STK3: variants seen among roughly 807,000 people sequenced by gnomAD.
The protein encoded by STK3 is serine/threonine-protein kinase 3.
Under a neutral mutation model 58.0 loss-of-function variants are expected in STK3, and 41 were observed. The ratio of observed to expected loss-of-function variants is 0.71; its 90% CI spans 0.55 to 0.92. The LOEUF (loss-of-function observed/expected upper bound fraction) is 0.92. Ranked by LOEUF, STK3 falls within the 40% of genes least tolerant of loss-of-function variation. The pLI, the probability that STK3 is intolerant of heterozygous loss-of-function variation, is 0.00. For synonymous variants in STK3, 170 were observed against 191.0 expected, an observed-to-expected ratio of 0.89 and a Z score of 0.91; for missense variants, 479 against 602.7, an observed-to-expected ratio of 0.79 and a Z score of 2.15.
intron 4 of STK3, among the ~76,000 whole-genome samples, chr8:98,712,659 A>G (rs1587388814): frequency 6.6e-6 from 1 of 152,068 alleles, no homozygotes; most frequent in Admixed American, 6.6e-5. Flanking sequence ...CTACAAAGAG[A>G]CTTAGACTCC....
At chr8:98,573,063 G>T (rs1335999259) in intron 8 of STK3, among the ~76,000 whole-genome samples, 1 of 152,104 alleles carries the variant, frequency 6.6e-6, no homozygotes, top group African/African-American at 2.4e-5. Context: ...CTAAGCAGTG[G>T]GCAGAAGCTA....
intron 9 of STK3, among the ~76,000 whole-genome samples, chr8:98,527,666 A>T (rs537094506): frequency 6.1e-4 from 93 of 152,042 alleles, no homozygotes; most frequent in South Asian, 4.0e-3. Context: ...TAAAAAAATT[A>T]AAAAAAATCA....
chr8:98,562,737 G>GAAAAAAA lies in STK3; in HGVS notation c.949-14583_949-14577dup, dbSNP rs778049177. Among the ~76,000 whole-genome samples, 48 of 17,386 alleles carry GAAAAAAA rather than the reference G, an allele frequency of 2.8e-3. 8 individuals carry two copies. The highest frequency in any genetic ancestry group is 4.7e-3 in the African/African-American group (16 of 3,434). 11.4% of individuals were successfully genotyped at this position (17,386 alleles called of 152,430 possible). A position where few individuals can be genotyped will look rare whatever the true frequency, so the allele number is the denominator to read the frequency against. ...TAAGACTCCCATCTCCACAAAAAAT[G>GAAAAAAA]AAAAAAAAAAAAAAAAAAAAAAAAA... On this transcript the variant is annotated intron_variant, in intron 8 of 10. Coordinates refer to ENST00000419617, the MANE Select transcript of STK3 (RefSeq NM_006281.4).
At chr8:98,656,447 GCA>G (rs1821534234) in intron 6 of STK3, among the ~76,000 whole-genome samples, 2 of 151,672 alleles carry the variant, frequency 1.3e-5, no homozygotes, top group Admixed American at 6.6e-5. Context: ...TAACTAACCT[GCA>G]CATTGTGCAC....
chr8:98,744,484 A>C (rs1322899564), intron 4 of STK3, among the ~76,000 whole-genome samples: 2 of 151,166 alleles, frequency 1.3e-5, no homozygotes. Flanking sequence ...CACAAGAACC[A>C]AAAAACCAAA....
intron 1 of STK3, among the ~76,000 whole-genome samples, chr8:98,788,994 T>C (rs994043654): frequency 1.3e-4 from 20 of 152,134 alleles, no homozygotes; most frequent in African/African-American, 3.4e-4. Context: ...TTCTCCAAGA[T>C]AGACCATATG....
At chr8:98,465,036 A>G (rs1205830214) in intron 10 of STK3, among the ~76,000 whole-genome samples, 1 of 152,196 alleles carries the variant, frequency 6.6e-6, no homozygotes, top group African/African-American at 2.4e-5. Context: ...ATTCCCAAAG[A>G]AAAGGAAGAA....
the STK3 span, among the ~76,000 whole-genome samples, chr8:98,355,236 GC>G: frequency 6.6e-6 from 1 of 152,272 alleles, no homozygotes; most frequent in South Asian, 2.1e-4. Context: ...GTGTCTGTGT[GC>G]TAAGATGAGG....
intron 1 of STK3, among the ~76,000 whole-genome samples, chr8:98,811,362 A>G (rs1834203985): frequency 6.6e-6 from 1 of 152,184 alleles, no homozygotes; most frequent in Admixed American, 6.5e-5. Context: ...CTGTATCACT[A>G]CTAATAGTAG....
intron 1 of STK3, among the ~76,000 whole-genome samples, chr8:98,382,156 C>T (rs1010013348): frequency 1.3e-5 from 2 of 151,848 alleles, no homozygotes; most frequent in African/African-American, 4.8e-5. Context: ...GGTGGAGACA[C>T]ACTGCCACGG....
intron 6 of STK3, among the ~76,000 whole-genome samples, chr8:98,671,361 A>C (rs907227130): frequency 5.3e-5 from 8 of 152,204 alleles, no homozygotes; most frequent in African/African-American, 1.9e-4. Context: ...GCAGAGACAA[A>C]GTTCATTACA....
intron 1 of STK3, among the ~76,000 whole-genome samples, chr8:98,819,378 A>T (rs1291526334): frequency 6.6e-6 from 1 of 152,192 alleles, no homozygotes; most frequent in Non-Finnish European, 1.5e-5. Flanking sequence ...TCTAGTTGAC[A>T]TGCAACAGAA....
At chr8:98,662,750 G>A (rs1209574935) in intron 6 of STK3, among the ~76,000 whole-genome samples, 1 of 151,108 alleles carries the variant, frequency 6.6e-6, no homozygotes, top group Non-Finnish European at 1.5e-5. Flanking sequence ...ATGTATACAT[G>A]TGCCACATTG....
chr8:98,892,203 C>A (rs1838225366), intron 1 of STK3, among the ~76,000 whole-genome samples: 1 of 152,194 alleles, frequency 6.6e-6, no homozygotes, highest in Non-Finnish European at 1.5e-5. Flanking sequence ...TGACCCCATT[C>A]AATCAATCAT....
chr8:98,372,509 G>A (rs1452027076), intron 2 of STK3, among the ~76,000 whole-genome samples: 1 of 149,392 alleles, frequency 6.7e-6, no homozygotes, highest in East Asian at 1.9e-4. Context: ...ATTTTTCCTA[G>A]GCTTTTCTAC....
At chr8:98,596,445 A>G (rs193159115) in intron 6 of STK3, 101 of 248,234 alleles carry the variant, frequency 4.1e-4, no homozygotes, top group African/African-American at 2.0e-3. Context: ...AAAGAAGACT[A>G]TATTTCTGAC....
chr8:98,453,951 A>C (rs1819318733), downstream of STK3, among the ~76,000 whole-genome samples: 1 of 152,236 alleles, frequency 6.6e-6, no homozygotes, highest in Non-Finnish European at 1.5e-5. Flanking sequence ...TCCAGTATAG[A>C]TTTGCTGAAG....
At chr8:98,513,770 C>T (rs915587691) in intron 10 of STK3, among the ~76,000 whole-genome samples, 1 of 152,136 alleles carries the variant, frequency 6.6e-6, no homozygotes, top group Admixed American at 6.6e-5. Context: ...ACCACTGACT[C>T]CCATGGCTCA....
At chr8:98,639,072 T>C (rs1023294369) in intron 6 of STK3, among the ~76,000 whole-genome samples, 12 of 151,844 alleles carry the variant, frequency 7.9e-5, no homozygotes, top group Non-Finnish European at 8.8e-5. Context: ...TACTAGTCTG[T>C]AGAAACAGTA....
Sources: allele counts gnomAD v4.1 joint callset (sites outside exome capture counted in the v4.1 genomes callset), GRCh38; gene constraint gnomAD v4.1.1; transcripts MANE v1.5; gene names NCBI Gene and HGNC (gene_info 2026-07-23, HGNC 2026-07-21).